The following SLC39A9 variants were observed in gnomAD, a reference collection of about 807,000 sequenced individuals.
The protein encoded by SLC39A9 is solute carrier family 39 member 9.
A neutral mutation model predicts 28.4 loss-of-function variants in SLC39A9; 14 were observed. The observed-to-expected ratio is 0.49, with a 90% CI of 0.33 to 0.77. The LOEUF (loss-of-function observed/expected upper bound fraction) is 0.77. Ranked by LOEUF, SLC39A9 falls within the 30% of genes least tolerant of loss-of-function variation. The pLI is 0.02. For missense variants in SLC39A9, 283 were observed against 381.1 expected, an observed-to-expected ratio of 0.74 and a Z score of 2.14; for synonymous variants, 119 against 149.6, an observed-to-expected ratio of 0.80 and a Z score of 1.49.
chr14:69,459,154 A>AG lies in SLC39A9; in HGVS notation c.*561_*562insG, dbSNP rs746845755. On this transcript the variant is annotated 3_prime_UTR_variant, in exon 7 of 7. Transcript: ENST00000336643. ...GGATTAGGGTCAGGAAAATGATAGC[A>AG]AGACACATTGAAAGCTCTCTTTATA... 11 of 986,052 alleles carry AG rather than the reference A, an allele frequency of 1.1e-5. No individual in the cohort carries two copies. The highest frequency in any genetic ancestry group is 1.3e-5 in the Non-Finnish European group (11 of 830,184). The allele number at this position is 986,052 out of a possible 1,614,324, so 61.1% of individuals were successfully genotyped here. A position where few individuals can be genotyped will look rare whatever the true frequency, so the allele number is the denominator to read the frequency against.
chr14:69,399,352 T>TG lies in SLC39A9; in HGVS notation c.-17dup. On this transcript the variant is annotated 5_prime_UTR_variant, in exon 1 of 7. Coordinates refer to ENST00000336643, the MANE Select transcript of SLC39A9 (RefSeq NM_018375.5). ...AAATTTGTTGTCTAGTGGTTGTGGGTGAATAAAGGAGGGCAGAATGGATGA... is the reference window on the plus strand; with the variant it reads ...AAATTTGTTGTCTAGTGGTTGTGGGTGGAATAAAGGAGGGCAGAATGGATGA... 1 of 1,610,466 alleles carries TG rather than the reference T, an allele frequency of 6.2e-7. No homozygotes were observed. The highest frequency in any genetic ancestry group is 8.5e-7 in the Non-Finnish European group (1 of 1,177,410).
intron 2 of SLC39A9, among the ~76,000 whole-genome samples, chr14:69,436,736 C>G (rs916983006): frequency 6.6e-6 from 1 of 152,136 alleles, no homozygotes; most frequent in Non-Finnish European, 1.5e-5. Context: ...GTTCCTTCCA[C>G]ATTGTTTTGC....
intron 4 of SLC39A9, 196 bp from the exon 5 acceptor site, chr14:69,454,616 C>T (rs1885774109): frequency 2.2e-6 from 1 of 459,754 alleles, no homozygotes; most frequent in African/African-American, 2.0e-5. Flanking sequence ...TAAGTTATCT[C>T]ATTTAATCCT....
chr14:69,441,773 T>C (rs952693436), intron 2 of SLC39A9: 1 of 1,080,238 alleles, frequency 9.3e-7, no homozygotes, highest in African/African-American at 1.7e-5. Flanking sequence ...TATTTGGGGA[T>C]GGTGTCCCTT....
In SLC39A9 at chr14:69,461,470, C is replaced by A; in HGVS notation, c.*2877C>A. On this transcript the variant is annotated 3_prime_UTR_variant, in exon 7 of 7. Coordinates refer to ENST00000336643, the MANE Select transcript of SLC39A9 (RefSeq NM_018375.5). ...ACGTAGACAGTTGGAAACAGTACTA[C>A]CTACCTAGAGGTTATGTGTTTTCTC... 2 of 1,394,850 alleles carry A rather than the reference C, an allele frequency of 1.4e-6. No individual in the cohort carries two copies. The highest frequency in any genetic ancestry group is 2.9e-5 in the African/African-American group (2 of 69,118). 86.4% of individuals were successfully genotyped at this position (1,394,850 alleles called of 1,614,324 possible). A position where few individuals can be genotyped will look rare whatever the true frequency, so the allele number is the denominator to read the frequency against.
intron 3 of SLC39A9, among the ~76,000 whole-genome samples, chr14:69,443,864 G>A (rs1885163640): frequency 6.6e-6 from 1 of 150,980 alleles, no homozygotes; most frequent in Admixed American, 6.6e-5. Context: ...GTGAGACCCT[G>A]TCTCAAAAAT....
intron 1 of SLC39A9, among the ~76,000 whole-genome samples, chr14:69,413,583 A>G (rs1054705614): frequency 2.6e-5 from 4 of 152,048 alleles, no homozygotes; most frequent in Admixed American, 2.0e-4. Context: ...TCCTTATTTT[A>G]TTTTGTCATG....
At chr14:69,426,698 G>A (rs766854847) in intron 2 of SLC39A9, among the ~76,000 whole-genome samples, 7 of 150,616 alleles carry the variant, frequency 4.6e-5, no homozygotes, top group Non-Finnish European at 8.9e-5. Flanking sequence ...CCTGCCTTGG[G>A]GCAGGTGAAA....
chr14:69,442,993 T>A (rs1028897463), intron 3 of SLC39A9, among the ~76,000 whole-genome samples: 2 of 152,292 alleles, frequency 1.3e-5, no homozygotes, highest in South Asian at 2.1e-4. Context: ...AATCATAAGC[T>A]TCTCTAAAGG....
intron 3 of SLC39A9, among the ~76,000 whole-genome samples, chr14:69,450,349 G>A (rs543317677): frequency 3.9e-5 from 6 of 152,226 alleles, no homozygotes; most frequent in Admixed American, 3.9e-4. Flanking sequence ...TCACTTCTAT[G>A]TGTTTTGAAA....
Position 69,422,025 on chromosome 14 carries a change from C to T in SLC39A9, c.97-2069C>T, listed in dbSNP as rs573451770. On this transcript the variant is annotated intron_variant, in intron 1 of 6. Transcript: ENST00000336643. ...CCTGGGCTGCACTCACTGTCCAACC[C>T]GTCCCAGTGAGATGAACCAGGTACC... 2.3e-3 allele frequency among the ~76,000 whole-genome samples: 353 copies of T among 152,138 alleles called. 1 individual carries two copies. The highest frequency in any genetic ancestry group is 7.5e-3 in the African/African-American group (310 of 41,488).
At chr14:69,406,703 G>T (rs922210724) in intron 1 of SLC39A9, among the ~76,000 whole-genome samples, 5 of 146,774 alleles carry the variant, frequency 3.4e-5, no homozygotes, top group African/African-American at 1.3e-4. Flanking sequence ...AAAAAAAAAA[G>T]TAGTAGTACT....
At chr14:69,435,188 A>G (rs1281101529) in intron 2 of SLC39A9, among the ~76,000 whole-genome samples, 1 of 151,920 alleles carries the variant, frequency 6.6e-6, no homozygotes, top group Non-Finnish European at 1.5e-5. Flanking sequence ...GTTTCTCTTC[A>G]TTTCTATTAG....
At position 69,461,783 on chromosome 14, in the gene SLC39A9, T is replaced by C; in HGVS notation, c.*3190T>C. ...CTAGGGACTGAACACAGGAACCGTA[T>C]GACAGCAGCACAAACCCCCAAAGGA... On this transcript the variant is annotated 3_prime_UTR_variant, in exon 7 of 7. Coordinates refer to ENST00000336643, the MANE Select transcript of SLC39A9 (RefSeq NM_018375.5). 1 of 1,526,462 alleles carries C rather than the reference T, an allele frequency of 6.6e-7. No individual in the cohort carries two copies. Among genetic ancestry groups the C allele is most frequent in the Non-Finnish European group, 8.8e-7 (1 of 1,140,634 alleles). 94.6% of individuals were successfully genotyped at this position (1,526,462 alleles called of 1,614,324 possible). A position where few individuals can be genotyped will look rare whatever the true frequency, so the allele number is the denominator to read the frequency against.
chr14:69,407,625 G>A (rs754856100), intron 1 of SLC39A9, among the ~76,000 whole-genome samples: 11 of 150,954 alleles, frequency 7.3e-5, no homozygotes, highest in African/African-American at 4.9e-5. Context: ...CACTGCGCCC[G>A]GCCAATTTTC....
At chr14:69,431,244 T>C (rs887855636) in intron 2 of SLC39A9, among the ~76,000 whole-genome samples, 2 of 152,230 alleles carry the variant, frequency 1.3e-5, no homozygotes, top group African/African-American at 4.8e-5. Flanking sequence ...ATAATACTTT[T>C]ATAATGTTTT....
At chr14:69,426,743 G>A (rs1884212919) in intron 2 of SLC39A9, among the ~76,000 whole-genome samples, 1 of 152,232 alleles carries the variant, frequency 6.6e-6, no homozygotes, top group African/African-American at 2.4e-5. Context: ...CTGCTGTTGA[G>A]GCCTAACACA....
chr14:69,437,382 A>C (rs1427313595), intron 2 of SLC39A9, among the ~76,000 whole-genome samples: 1 of 152,014 alleles, frequency 6.6e-6, no homozygotes, highest in East Asian at 1.9e-4. Flanking sequence ...GTTTTTCTAG[A>C]AGTTTTTGCT....
At chr14:69,432,072 A>G (rs1884528311) in intron 2 of SLC39A9, among the ~76,000 whole-genome samples, 1 of 152,184 alleles carries the variant, frequency 6.6e-6, no homozygotes, top group East Asian at 1.9e-4. Context: ...TTTTGGATAG[A>G]TATGCAGTAA....
Sources: gnomAD v4.1 joint callset for allele counts (sites outside exome capture counted in the v4.1 genomes callset) on GRCh38, gnomAD v4.1.1 for gene constraint, MANE v1.5 for transcripts, NCBI Gene and HGNC (gene_info 2026-07-23, HGNC 2026-07-21) for gene names.